The following ASTN1 variants were observed in gnomAD, a reference collection of about 807,000 sequenced individuals.
ASTN1 encodes astrotactin-1.
Under a neutral mutation model 140.7 loss-of-function variants are expected in ASTN1, and 41 were observed. The observed-to-expected ratio is 0.29, with a 90% CI of 0.23 to 0.38. ASTN1 has a LOEUF of 0.38. Among genes scored for constraint, ASTN1 ranks in the 10% least tolerant of loss-of-function variants. The probability of loss-of-function intolerance (pLI) is 1.00; values close to 1 mark genes in which losing one functional copy is unlikely to be tolerated. For synonymous variants in ASTN1, 640 were observed against 652.2 expected (o/e 0.98, Z 0.29); for missense variants, 1,479 against 1,678.8 (o/e 0.88, Z 2.08).
At chr1:177,115,655 A>AAAATAAAT (rs3041964) in intron 1 of ASTN1, among the ~76,000 whole-genome samples, 25,199 of 141,728 alleles carry the variant, frequency 0.18, 3,054 homozygotes, top group African/African-American at 0.34. Context: ...AGACTGTGTC[A>AAAATAAAT]AAATAAATAA....
In ASTN1 at chr1:177,099,863, C is replaced by A. The variant is rs1025076103; in HGVS notation, c.284-38598G>T. Among the ~76,000 whole-genome samples, 11 of 152,122 alleles carry A rather than the reference C, an allele frequency of 7.2e-5. No homozygotes were observed. In the East Asian group the frequency reaches 7.7e-4, roughly 11 times the overall value. ...ATCTTTCTAAGCTATGGAGAAAAAT[C>A]ATATATTTTATTAAAAGGAAAATTT... On this transcript the variant is annotated intron_variant, in intron 1 of 22. Coordinates refer to ENST00000361833, the MANE Select transcript of ASTN1 (RefSeq NM_004319.3).
rs1353025918 is a variant in ASTN1 at position 176,862,502 on chromosome 1, G to A, written c.*1782C>T. 2 of 985,312 alleles carry A rather than the reference G, an allele frequency of 2.0e-6. No individual in the cohort carries two copies. Among genetic ancestry groups the A allele is most frequent in the Admixed American group, 6.1e-5 (1 of 16,266 alleles). The allele number at this position is 985,312 out of a possible 1,614,324, so 61.0% of individuals were successfully genotyped here. ...TGCTTGGGAAAGGTAAAGCTCTCTGGGCAGGTTCCCTGTGGGGCTGAGAGC... is the reference window on the plus strand; with the variant it reads ...TGCTTGGGAAAGGTAAAGCTCTCTGAGCAGGTTCCCTGTGGGGCTGAGAGC... On this transcript the variant is annotated 3_prime_UTR_variant, in exon 23 of 23. Coordinates refer to ENST00000361833, the MANE Select transcript of ASTN1 (RefSeq NM_004319.3).
intron 1 of ASTN1, among the ~76,000 whole-genome samples, chr1:177,163,374 A>G (rs534770061): frequency 2.0e-5 from 3 of 152,304 alleles, no homozygotes; most frequent in Admixed American, 1.3e-4. Context: ...CCATCTACAC[A>G]TGGAGAAGTG....
Position 176,861,605 on chromosome 1 carries a change from C to G in ASTN1, c.*2679G>C, listed in dbSNP as rs1667964156. On this transcript the variant is annotated 3_prime_UTR_variant, in exon 23 of 23. Transcript: ENST00000361833. ...TGTACAACCATCCTAAGATTTTCCC[C>G]TGCCCTGTTCATATCAGCCTTTTTA... 3.0e-6 allele frequency: 3 copies of G among 985,544 alleles called. No homozygotes were observed. The highest frequency in any genetic ancestry group is 3.6e-6 in the Non-Finnish European group (3 of 829,958). The allele number at this position is 985,544 out of a possible 1,614,324, so 61.0% of individuals were successfully genotyped here. A position where few individuals can be genotyped will look rare whatever the true frequency, so the allele number is the denominator to read the frequency against.
At chr1:177,028,670 A>G (rs1247904797) in intron 5 of ASTN1, among the ~76,000 whole-genome samples, 1 of 152,212 alleles carries the variant, frequency 6.6e-6, no homozygotes, top group East Asian at 1.9e-4. Context: ...AAAATTCTTT[A>G]AGATGGGGCA....
At chr1:176,866,130 AT>A (rs1248694825) in intron 22 of ASTN1, among the ~76,000 whole-genome samples, 4 of 152,066 alleles carry the variant, frequency 2.6e-5, no homozygotes, top group African/African-American at 7.2e-5. Context: ...CATTCCTTTC[AT>A]TTCTCTTCTA....
chr1:176,862,484 G>A lies in ASTN1; in HGVS notation c.*1800C>T, dbSNP rs1668002128. 1 of 985,322 alleles carries A rather than the reference G, an allele frequency of 1.0e-6. No individual in the cohort carries two copies. The highest frequency in any genetic ancestry group is 1.2e-6 in the Non-Finnish European group (1 of 829,980). 61.0% of individuals were successfully genotyped at this position (985,322 alleles called of 1,614,324 possible). A position where few individuals can be genotyped will look rare whatever the true frequency, so the allele number is the denominator to read the frequency against. On this transcript the variant is annotated 3_prime_UTR_variant, in exon 23 of 23. Transcript: ENST00000361833. Reference sequence around the variant, plus strand: ...ACATGTCCATGCCACAGATGCTTGGGAAAGGTAAAGCTCTCTGGGCAGGTT... The same window carrying A: ...ACATGTCCATGCCACAGATGCTTGGAAAAGGTAAAGCTCTCTGGGCAGGTT...
intron 8 of ASTN1, among the ~76,000 whole-genome samples, chr1:177,007,323 T>C (rs764724331): frequency 2.6e-5 from 4 of 151,730 alleles, no homozygotes; most frequent in Non-Finnish European, 5.9e-5. Context: ...ACCTGGGAGG[T>C]GAAGGTTGCG....
intron 1 of ASTN1, among the ~76,000 whole-genome samples, chr1:177,115,089 G>C (rs1208077623): frequency 3.3e-5 from 5 of 152,040 alleles, no homozygotes; most frequent in Admixed American, 3.3e-4. Context: ...CAACAGTCAC[G>C]ACAGCCCTAC....
chr1:177,038,404 C>T (rs528462175), intron 2 of ASTN1, among the ~76,000 whole-genome samples: 5 of 151,966 alleles, frequency 3.3e-5, no homozygotes, highest in African/African-American at 4.8e-5. Flanking sequence ...AAACGCAGCG[C>T]CTGGCATAAA....
intron 1 of ASTN1, among the ~76,000 whole-genome samples, chr1:177,147,685 C>A: frequency 6.6e-6 from 1 of 152,152 alleles, no homozygotes; most frequent in East Asian, 1.9e-4. Flanking sequence ...TGTCACTTCA[C>A]CTTAGTGCTT....
intron 16 of ASTN1, among the ~76,000 whole-genome samples, chr1:176,920,301 C>G (rs1670672291): frequency 6.6e-6 from 1 of 152,118 alleles, no homozygotes; most frequent in Admixed American, 6.5e-5. Flanking sequence ...CAGGTACTGT[C>G]CTTGCTCCAG....
At chr1:177,079,190 T>C (rs914029156) in intron 1 of ASTN1, among the ~76,000 whole-genome samples, 1 of 152,160 alleles carries the variant, frequency 6.6e-6, no homozygotes, top group Non-Finnish European at 1.5e-5. Flanking sequence ...ATTAGGTGTA[T>C]AAAGGCTGGA....
chr1:176,970,731 GGTGTGTGTGTGTGT>G (rs10642697), intron 8 of ASTN1, among the ~76,000 whole-genome samples: 3 of 147,242 alleles, frequency 2.0e-5, no homozygotes, highest in Admixed American at 6.8e-5. Flanking sequence ...TGTGGGTATG[GGTGTGTGTGTGTGT>G]GTGTGTGTGT....
chr1:176,981,436 T>C (rs1038142421), intron 8 of ASTN1: 1 of 152,068 alleles, frequency 6.6e-6, no homozygotes, highest in Admixed American at 6.6e-5. Flanking sequence ...ATAGGGTCTT[T>C]GCAGGTGTAA....
intron 22 of ASTN1, among the ~76,000 whole-genome samples, chr1:176,866,805 G>A (rs1480807759): frequency 6.6e-6 from 1 of 152,172 alleles, no homozygotes; most frequent in Admixed American, 6.5e-5. Context: ...TTGGGTTGTG[G>A]TGAACTGAGG....
intron 1 of ASTN1, among the ~76,000 whole-genome samples, chr1:177,131,079 G>A (rs1451938065): frequency 2.0e-5 from 3 of 152,190 alleles, no homozygotes; most frequent in Admixed American, 2.0e-4. Context: ...GATGGATGGA[G>A]CTGCCCAAGT....
intron 16 of ASTN1, among the ~76,000 whole-genome samples, chr1:176,908,737 T>C (rs4652205): frequency 0.84 from 127,244 of 152,154 alleles, 53,365 homozygotes; most frequent in Middle Eastern, 0.95. Context: ...TATGTAAGCT[T>C]TTGATGGTAG....
intron 16 of ASTN1, among the ~76,000 whole-genome samples, chr1:176,902,769 A>G (rs926875139): frequency 1.3e-5 from 2 of 152,342 alleles, no homozygotes; most frequent in Non-Finnish European, 2.9e-5. Context: ...TGTGACCCCA[A>G]TTGCATCCCT....
Sources: gnomAD v4.1 joint callset for allele counts (sites outside exome capture counted in the v4.1 genomes callset) on GRCh38, gnomAD v4.1.1 for gene constraint, MANE v1.5 for transcripts, NCBI Gene and HGNC (gene_info 2026-07-23, HGNC 2026-07-21) for gene names.